Variants in HIGD1C observed in about 807,000 individuals in gnomAD.
HIGD1C encodes HIG1 domain family member 1C.
A neutral mutation model predicts 13.1 loss-of-function variants in HIGD1C; 11 were observed. The observed-to-expected ratio is 0.84, with a 90% CI of 0.53 to 1.39. The LOEUF (loss-of-function observed/expected upper bound fraction) is 1.39, where lower values mean the gene tolerates loss of function less well. Ranked by LOEUF, HIGD1C falls within the 40% of genes most tolerant of loss-of-function variation. The pLI is 0.00. For synonymous variants in HIGD1C, 36 were observed against 37.7 expected (o/e 0.95, Z 0.17); for missense variants, 110 against 112.0 (o/e 0.98, Z 0.08).
intron 1 of HIGD1C, among the ~76,000 whole-genome samples, chr12:50,958,768 G>A (rs535860317): frequency 5.3e-5 from 8 of 150,252 alleles, no homozygotes; most frequent in Admixed American, 3.3e-4. Context: ...TGTAATCCCA[G>A]CACTTCAGGA....
At chr12:50,970,518 T>C (rs201442399), downstream of HIGD1C, 8 of 1,492,590 alleles carry the variant, frequency 5.4e-6, no homozygotes, top group African/African-American at 9.8e-5. Context: ...GCTTACATGC[T>C]GGAAGCAAGA....
chr12:50,966,482 C>T (rs1939545459), intron 2 of HIGD1C, among the ~76,000 whole-genome samples: 1 of 152,104 alleles, frequency 6.6e-6, no homozygotes, highest in Non-Finnish European at 1.5e-5. Flanking sequence ...TGGTCTCCAC[C>T]CAAGAGATGC....
chr12:50,940,250 T>C, the HIGD1C span, among the ~76,000 whole-genome samples: 1 of 152,186 alleles, frequency 6.6e-6, no homozygotes, highest in Non-Finnish European at 1.5e-5. Context: ...GCTCCCATCT[T>C]ATCTGTCAAG....
At chr12:50,933,858 C>T in the HIGD1C span, among the ~76,000 whole-genome samples, 3 of 152,152 alleles carry the variant, frequency 2.0e-5, no homozygotes, top group Admixed American at 6.5e-5. Context: ...GATCCATGAC[C>T]GATCAGATCA....
downstream of HIGD1C, among the ~76,000 whole-genome samples, chr12:50,971,115 G>A (rs990715589): frequency 6.6e-6 from 1 of 152,050 alleles, no homozygotes; most frequent in Non-Finnish European, 1.5e-5. Context: ...CCTGACCTCA[G>A]GTGATTCACC....
upstream of HIGD1C, among the ~76,000 whole-genome samples, chr12:50,953,050 G>T (rs1938956616): frequency 6.6e-6 from 1 of 152,148 alleles, no homozygotes; most frequent in Admixed American, 6.5e-5. Context: ...GCTGCTACTG[G>T]TGAGTTTCTA....
At chr12:50,967,281 G>A (rs987043181) in intron 2 of HIGD1C, among the ~76,000 whole-genome samples, 4 of 152,090 alleles carry the variant, frequency 2.6e-5, no homozygotes, top group African/African-American at 9.7e-5. Context: ...ACAGAGCTGG[G>A]ACTACAGGTA....
chr12:50,957,985 T>TGTGTGTGTGTGTGTGTGTGTG (rs1592254622), intron 1 of HIGD1C, among the ~76,000 whole-genome samples: 1 of 136,070 alleles, frequency 7.3e-6, no homozygotes, highest in Non-Finnish European at 1.6e-5. Flanking sequence ...TGTGTGTGTG[T>TGTGTGTGTGTGTGTGTGTGTG]AGTAGAGGCA....
the HIGD1C span, among the ~76,000 whole-genome samples, chr12:50,945,700 T>G: frequency 6.6e-6 from 1 of 152,164 alleles, no homozygotes; most frequent in Non-Finnish European, 1.5e-5. Context: ...AAGCTACCAA[T>G]GACTTTCTTC....
At chr12:50,972,501 T>C (rs1939787115), downstream of HIGD1C, among the ~76,000 whole-genome samples, 2 of 152,188 alleles carry the variant, frequency 1.3e-5, no homozygotes, top group South Asian at 2.1e-4. Context: ...GCCATTGCCA[T>C]GTTCTGGGGT....
chr12:50,949,813 G>A (rs535768719), upstream of HIGD1C, among the ~76,000 whole-genome samples: 9 of 152,144 alleles, frequency 5.9e-5, no homozygotes, highest in Admixed American at 1.3e-4. Context: ...GGATTAAGGC[G>A]TGAGCAGTGA....
At chr12:50,964,390 A>G (rs1939463485) in intron 2 of HIGD1C, among the ~76,000 whole-genome samples, 1 of 152,238 alleles carries the variant, frequency 6.6e-6, no homozygotes, top group South Asian at 2.1e-4. Context: ...ATTATTAGGC[A>G]TCCTGCCTGT....
At chr12:50,966,309 G>A (rs1939540438) in intron 2 of HIGD1C, among the ~76,000 whole-genome samples, 1 of 152,160 alleles carries the variant, frequency 6.6e-6, no homozygotes, top group Non-Finnish European at 1.5e-5. Context: ...TTTAGGGAGT[G>A]GGTAAGCAGG....
the HIGD1C span, among the ~76,000 whole-genome samples, chr12:50,948,720 T>C: frequency 9.5e-5 from 14 of 147,610 alleles, no homozygotes; most frequent in East Asian, 2.8e-3. Context: ...ATACAAAAAT[T>C]ATCTGGGCAT....
intron 2 of HIGD1C, among the ~76,000 whole-genome samples, chr12:50,963,169 A>T (rs1939404416): frequency 6.6e-6 from 1 of 151,948 alleles, no homozygotes; most frequent in South Asian, 2.1e-4. Context: ...CAGGAGTTTG[A>T]GACAAGCCTG....
At chr12:50,931,711 CAAAAAAAAAAAA>C in the HIGD1C span, 1 of 43,380 alleles carries the variant, frequency 2.3e-5, no homozygotes, top group African/African-American at 8.0e-5. Context: ...GACTCCGTCT[CAAAAAAAAAAAA>C]AAAAAAAAAA....
At chr12:50,961,136 G>C in intron 2 of HIGD1C, 34 bp downstream of exon 4, 1 of 1,602,736 alleles carries the variant, frequency 6.2e-7, no homozygotes, top group Non-Finnish European at 8.5e-7. Context: ...ATGTTCAGCT[G>C]TCTTTGAGAG....
intron 1 of HIGD1C, among the ~76,000 whole-genome samples, chr12:50,957,215 T>TC (rs1939129092): frequency 6.8e-6 from 1 of 146,908 alleles, no homozygotes; most frequent in Admixed American, 6.8e-5. Flanking sequence ...TGCTTTTTTT[T>TC]CTTTTTTTTT....
At chr12:50,953,832 G>C (rs902892371), upstream of HIGD1C, 48 of 534,422 alleles carry the variant, frequency 9.0e-5, no homozygotes, top group African/African-American at 8.3e-4. Flanking sequence ...AAATTCGGTA[G>C]TGAAAAGTGT....
Sources: gnomAD v4.1 joint callset for allele counts (sites outside exome capture counted in the v4.1 genomes callset) on GRCh38, gnomAD v4.1.1 for gene constraint, MANE v1.5 for transcripts, NCBI Gene and HGNC (gene_info 2026-07-23, HGNC 2026-07-21) for gene names.